ALMS1: variants seen among roughly 807,000 people sequenced by gnomAD.
ALMS1 encodes the protein ALMS1 centrosome and basal body associated protein, also known as centrosome-associated protein ALMS1.
A neutral mutation model predicts 352.2 loss-of-function variants in ALMS1; 271 were observed. The ratio of observed to expected loss-of-function variants is 0.77; its 90% CI spans 0.70 to 0.85. The LOEUF is 0.85. Among genes scored for constraint, ALMS1 ranks in the 40% least tolerant of loss-of-function variants. ALMS1 has a pLI of 0.00. For missense variants in ALMS1, 5,445 were observed against 4,870.7 expected (o/e 1.12, Z -3.51); for synonymous variants, 1,865 against 1,761.2 (o/e 1.06, Z -1.48).
At chr2:73,507,070 A>T (rs1441081122) in intron 10 of ALMS1, among the ~76,000 whole-genome samples, 1 of 151,696 alleles carries the variant, frequency 6.6e-6, no homozygotes, top group Non-Finnish European at 1.5e-5. Context: ...TGTTTATGTG[A>T]TGGATTACAT....
intron 15 of ALMS1, among the ~76,000 whole-genome samples, chr2:73,560,002 C>T (rs529191907): frequency 6.6e-6 from 1 of 152,280 alleles, no homozygotes; most frequent in Middle Eastern, 3.4e-3. Flanking sequence ...ACACCAAAAA[C>T]ACAGACAACA....
chr2:73,566,779 T>C (rs1036439681), intron 15 of ALMS1, among the ~76,000 whole-genome samples: 1 of 152,240 alleles, frequency 6.6e-6, no homozygotes, highest in African/African-American at 2.4e-5. Flanking sequence ...CCTATACTTC[T>C]GACCAACTAG....
intron 6 of ALMS1, among the ~76,000 whole-genome samples, chr2:73,430,937 A>G (rs1671487596): frequency 6.6e-6 from 1 of 152,120 alleles, no homozygotes; most frequent in Admixed American, 6.5e-5. Flanking sequence ...ATGTGTATAT[A>G]TATAGCCTGT....
intron 9 of ALMS1, chr2:73,469,657 T>G (rs188122123): frequency 1.3e-5 from 2 of 151,968 alleles, no homozygotes; most frequent in East Asian, 3.9e-4. Context: ...TAGGTAACAT[T>G]ATGAAGTATT....
chr2:73,603,110 A>C, intron 20 of ALMS1, 131 bp from the exon 21 acceptor site: 1 of 815,012 alleles, frequency 1.2e-6, no homozygotes, highest in East Asian at 2.6e-5. Flanking sequence ...TGCCTTGGTC[A>C]TTGCTCCCCA....
At chr2:73,544,730 G>C (rs1387981158) in intron 12 of ALMS1, among the ~76,000 whole-genome samples, 2 of 152,104 alleles carry the variant, frequency 1.3e-5, no homozygotes, top group Non-Finnish European at 1.5e-5. Flanking sequence ...AGTGAAAGTA[G>C]GATCTTCAAG....
In ALMS1 at chr2:73,422,915, C is replaced by A; in HGVS notation, c.705C>A (p.Asp235Glu). The change falls in exon 4 of 23, where the codon GAC becomes GAA. Residue 235 changes from aspartate to glutamate, a missense_variant. Coordinates refer to ENST00000613296, the MANE Select transcript of ALMS1 (RefSeq NM_001378454.1). ...DLPLLTCLTQ[D>E]QEFAPDSLFH... The stretch of plus-strand genomic sequence containing the variant: ...CTTTGCTGACCTGTTTGACACAAGA[C>A]CAAGAATTTGCGCCTGATTCTTTAT... 1 of 1,613,700 alleles carries A rather than the reference C, an allele frequency of 6.2e-7. No individual in the cohort carries two copies. The highest frequency in any genetic ancestry group is 8.5e-7 in the Non-Finnish European group (1 of 1,179,712).
chr2:73,532,476 CACAA>C (rs936245957), intron 11 of ALMS1, among the ~76,000 whole-genome samples: 6 of 152,314 alleles, frequency 3.9e-5, no homozygotes, highest in Admixed American at 1.3e-4. Context: ...TCCTCTTTTC[CACAA>C]ACAGAGGAGT....
chr2:73,572,196 A>C, intron 15 of ALMS1, 66 bp from the exon 16 acceptor site: 1 of 1,334,156 alleles, frequency 7.5e-7, no homozygotes, highest in South Asian at 1.3e-5. Flanking sequence ...AAGAATTGTG[A>C]ATAGTATTTC....
Position 73,603,246 on chromosome 2 carries a change from C to G in ALMS1, c.12304C>G (p.Leu4102Val). Reference sequence around the variant, plus strand: ...CCCTTTCTTCTCTTGCCTAGTCTTCCTGGCTATCCAGAAGAACAAGCCTAT... The same window carrying G: ...CCCTTTCTTCTCTTGCCTAGTCTTCGTGGCTATCCAGAAGAACAAGCCTAT... ...RMCPLPKRVF[L>V]AIQKNKPISK... Residue 4102 changes from leucine (L) to valine (V), a missense_variant, in exon 21 of 23, where the codon CTG becomes GTG. By Grantham distance (32) the Leu-to-Val change is conservative. Transcript: ENST00000613296. 1 of 1,614,094 alleles carries G rather than the reference C, an allele frequency of 6.2e-7. No homozygotes were observed. Among genetic ancestry groups the G allele is most frequent in the African/African-American group, 1.3e-5 (1 of 75,018 alleles).
chr2:73,443,000 C>T (rs150771954), intron 7 of ALMS1, among the ~76,000 whole-genome samples: 6 of 152,148 alleles, frequency 3.9e-5, no homozygotes, highest in African/African-American at 1.4e-4. Flanking sequence ...AACTTGTATT[C>T]TTCTTTCACC....
intron 16 of ALMS1, among the ~76,000 whole-genome samples, chr2:73,586,870 C>T (rs1226932998): frequency 1.3e-5 from 2 of 152,178 alleles, no homozygotes; most frequent in African/African-American, 4.8e-5. Flanking sequence ...TTAATTCTAG[C>T]CATCCATGAG....
chr2:73,600,193 G>A (rs527325454), intron 17 of ALMS1, among the ~76,000 whole-genome samples: 37 of 152,328 alleles, frequency 2.4e-4, no homozygotes, highest in Non-Finnish European at 4.3e-4. Flanking sequence ...ATGGGGTTGT[G>A]AACAGAATAA....
At chr2:73,438,405 ATAGTT>A in intron 7 of ALMS1, among the ~76,000 whole-genome samples, 1 of 152,242 alleles carries the variant, frequency 6.6e-6, no homozygotes. Flanking sequence ...CATAATTTGA[ATAGTT>A]TAGATTACAA....
Position 73,556,194 on chromosome 2 carries a change from CAT to C in ALMS1, c.10079-1025_10079-1024del, listed in dbSNP as rs1457983151. Reference sequence around the variant, plus strand: ...CTGAAATATTTTATTAACATTAAAACATTTTTTAATGATCTAAAAATTTCAGA... The same window carrying C: ...CTGAAATATTTTATTAACATTAAAACTTTTTAATGATCTAAAAATTTCAGA... On this transcript the variant is annotated intron_variant, in intron 13 of 22. Transcript: ENST00000613296. Among the ~76,000 whole-genome samples the C allele has an allele frequency of 2.6e-5, 4 of 152,036 alleles. No individual in the cohort carries two copies. The East Asian group carries it at 5.8e-4, about 22-fold the overall frequency.
chr2:73,506,746 C>G (rs1382017635), intron 10 of ALMS1, among the ~76,000 whole-genome samples: 1 of 152,162 alleles, frequency 6.6e-6, no homozygotes, highest in Non-Finnish European at 1.5e-5. Flanking sequence ...TTGACTTCCT[C>G]TCTTCCTATT....
intron 10 of ALMS1, among the ~76,000 whole-genome samples, chr2:73,497,928 T>C (rs1475486606): frequency 6.6e-6 from 1 of 151,880 alleles, no homozygotes; most frequent in African/African-American, 2.4e-5. Flanking sequence ...TGCTGAGTTT[T>C]TTTAAGCCTA....
intron 1 of ALMS1, among the ~76,000 whole-genome samples, chr2:73,387,374 G>A (rs1188844482): frequency 6.6e-6 from 1 of 152,198 alleles, no homozygotes; most frequent in Non-Finnish European, 1.5e-5. Context: ...TAATATATGT[G>A]CTAATATTCT....
At chr2:73,579,722 C>G (rs1675133509) in intron 16 of ALMS1, among the ~76,000 whole-genome samples, 1 of 152,122 alleles carries the variant, frequency 6.6e-6, no homozygotes. Flanking sequence ...CTATTGTCTT[C>G]CATGGTTTCT....
Sources: gnomAD v4.1 joint callset for allele counts (sites outside exome capture counted in the v4.1 genomes callset) on GRCh38, gnomAD v4.1.1 for gene constraint, MANE v1.5 for transcripts, NCBI Gene and HGNC (gene_info 2026-07-23, HGNC 2026-07-21) for gene names.